Variants in PSIP1 observed in about 807,000 individuals in gnomAD.
The protein encoded by PSIP1 is PC4 and SFRS1-interacting protein.
A neutral mutation model predicts 74.7 loss-of-function variants in PSIP1; 19 were observed. The ratio of observed to expected loss-of-function variants is 0.25; its 90% confidence interval spans 0.18 to 0.37. The LOEUF (loss-of-function observed/expected upper bound fraction) is 0.37, where lower values mean the gene tolerates loss of function less well. Ranked by LOEUF, PSIP1 falls within the 10% of genes least tolerant of loss-of-function variation. The pLI, the probability that PSIP1 is intolerant of heterozygous loss-of-function variation, is 1.00. For missense variants in PSIP1, 601 were observed against 614.3 expected (o/e 0.98, Z 0.23); for synonymous variants, 222 against 195.3 (o/e 1.14, Z -1.14).
chr9:15,478,127 TAA>T lies in PSIP1; in HGVS notation c.629+348_629+349del, dbSNP rs570873100. Reference sequence around the variant, plus strand: ...GGGCGACAGAGTGAAACCCCATCTTTAAAAAAAAAAAAAAAAAAAAAAAAATT... The same window carrying T: ...GGGCGACAGAGTGAAACCCCATCTTTAAAAAAAAAAAAAAAAAAAAAAATT... On this transcript the variant is annotated intron_variant, in intron 8 of 15. Coordinates refer to ENST00000380733, the MANE Select transcript of PSIP1 (RefSeq NM_033222.5). Among the ~76,000 whole-genome samples the T allele has an allele frequency of 1.4e-3, 151 of 108,160 alleles. 1 individual carries two copies. The highest frequency in any genetic ancestry group is 5.0e-3 in the Middle Eastern group (1 of 202). The allele number at this position is 108,160 out of a possible 152,430, so 71.0% of individuals were successfully genotyped here.
At chr9:15,480,604 G>T (rs542967151) in intron 6 of PSIP1, among the ~76,000 whole-genome samples, 1 of 152,296 alleles carries the variant, frequency 6.6e-6, no homozygotes, top group Admixed American at 6.5e-5. Context: ...TTATGAATGA[G>T]TATTGGCAAT....
At chr9:15,470,220 A>G (rs2035767080) in intron 10 of PSIP1, among the ~76,000 whole-genome samples, 1 of 152,172 alleles carries the variant, frequency 6.6e-6, no homozygotes, top group African/African-American at 2.4e-5. Context: ...GTGACATCAC[A>G]AATAGTGTGT....
chr9:15,499,429 C>G (rs1053700190), intron 3 of PSIP1, among the ~76,000 whole-genome samples: 2 of 152,146 alleles, frequency 1.3e-5, no homozygotes, highest in African/African-American at 4.8e-5. Flanking sequence ...CGTTGAAGCC[C>G]TAAGTGTGTA....
intron 2 of PSIP1, among the ~76,000 whole-genome samples, chr9:15,508,552 T>C (rs1018410968): frequency 6.6e-6 from 1 of 152,220 alleles, no homozygotes; most frequent in Non-Finnish European, 1.5e-5. Context: ...TTTTTAAACA[T>C]TTCCTTTGGC....
chr9:15,466,478 A>G (rs1301018842), intron 15 of PSIP1, among the ~76,000 whole-genome samples: 2 of 152,262 alleles, frequency 1.3e-5, no homozygotes, highest in African/African-American at 2.4e-5. Context: ...CATTACTAAC[A>G]GTATCTCAGT....
chr9:15,504,309 G>C (rs1410503149), intron 3 of PSIP1, among the ~76,000 whole-genome samples: 1 of 151,926 alleles, frequency 6.6e-6, no homozygotes, highest in African/African-American at 2.4e-5. Context: ...CAACAGTTTA[G>C]TTATTTAGTT....
intron 8 of PSIP1, among the ~76,000 whole-genome samples, chr9:15,477,242 G>A (rs2036128244): frequency 6.6e-6 from 1 of 152,088 alleles, no homozygotes; most frequent in Non-Finnish European, 1.5e-5. Context: ...AATTCTATGT[G>A]TTTATGGTGT....
rs749410335 is a variant in PSIP1, at chr9:15,486,061, G to A, written c.401C>T (p.Thr134Ile). Residue 134 changes from threonine (T) to isoleucine (I), a missense_variant, in exon 6 of 16, where the codon ACT becomes ATT. Thr to Ile is a moderately conservative substitution (Grantham distance 89). This residue lies in a region of PSIP1 where 538 missense variants were observed against 507.6 expected (regional missense o/e 1.06). Coordinates refer to ENST00000380733, the MANE Select transcript of PSIP1 (RefSeq NM_033222.5). Reference sequence around the variant, plus strand: ...TGGAGTAGTTATGTCAACTGCTTTAGTCACATCCTAAAAAAGAAAAAAGAA... The same window carrying A: ...TGGAGTAGTTATGTCAACTGCTTTAATCACATCCTAAAAAAGAAAAAAGAA... ...HEEKASNEDV[T>I]KAVDITTPKA... The A allele has an allele frequency of 1.9e-6, 3 of 1,602,808 alleles. No homozygotes were observed. The highest frequency in any genetic ancestry group is 1.7e-5 in the Admixed American group (1 of 58,862).
chr9:15,501,527 G>C (rs1317777387), intron 3 of PSIP1, among the ~76,000 whole-genome samples: 1 of 152,064 alleles, frequency 6.6e-6, no homozygotes, highest in Non-Finnish European at 1.5e-5. Context: ...AAAGACCTGA[G>C]ATAAGATGAG....
chr9:15,494,183 G>A (rs1021561563), intron 3 of PSIP1, among the ~76,000 whole-genome samples: 2 of 152,082 alleles, frequency 1.3e-5, no homozygotes, highest in African/African-American at 2.4e-5. Context: ...AATTCTTTAA[G>A]AATTAGGGAA....
At chr9:15,466,916 G>T in intron 14 of PSIP1, 57 bp from the exon 15 acceptor site, 2 of 1,300,188 alleles carry the variant, frequency 1.5e-6, no homozygotes, top group Non-Finnish European at 1.1e-6. Context: ...AATAATTGAA[G>T]GTGTCCACTA....
At chr9:15,508,940 C>T (rs772741622) in intron 2 of PSIP1, among the ~76,000 whole-genome samples, 1 of 152,026 alleles carries the variant, frequency 6.6e-6, no homozygotes, top group Non-Finnish European at 1.5e-5. Context: ...AAGACTGCAC[C>T]GAAAAGGCAG....
chr9:15,469,041 A>C lies in PSIP1; in HGVS notation c.1122T>G (p.Ile374Met). 1 of 1,613,798 alleles carries C rather than the reference A, an allele frequency of 6.2e-7. No homozygotes were observed. The highest frequency in any genetic ancestry group is 8.5e-7 in the Non-Finnish European group (1 of 1,179,864). Residue 374 changes from isoleucine to methionine, a missense_variant, in exon 13 of 16, where the codon ATT (isoleucine) becomes ATG (methionine). By Grantham distance (10) the Ile-to-Met change is conservative. This residue lies in a region of PSIP1 where 538 missense variants were observed against 507.6 expected (regional missense o/e 1.06). Transcript: ENST00000380733. ...KIDNLDVNRCIEALDELASLQ... is the reference protein window; with the variant it reads ...KIDNLDVNRCMEALDELASLQ... ...GTGAAGCAAGTTCATCCAAGGCCTC[A>C]ATGCATCTGTTCACATCCTTCATGA...
intron 6 of PSIP1, among the ~76,000 whole-genome samples, chr9:15,480,295 GATC>G (rs2036278693): frequency 6.6e-6 from 1 of 152,156 alleles, no homozygotes; most frequent in South Asian, 2.1e-4. Context: ...AGTTGGTACT[GATC>G]ATAACTGCAA....
At chr9:15,486,773 T>C in intron 5 of PSIP1, 54 bp downstream of exon 5, 1 of 1,288,892 alleles carries the variant, frequency 7.8e-7, no homozygotes, top group Non-Finnish European at 1.1e-6. Context: ...CTCATTTCAT[T>C]ATTTCTTCCT....
chr9:15,479,656 C>A lies in PSIP1; in HGVS notation c.488G>T (p.Gly163Val). 1 of 1,612,678 alleles carries A rather than the reference C, an allele frequency of 6.2e-7. No individual in the cohort carries two copies. The highest frequency in any genetic ancestry group is 8.5e-7 in the Non-Finnish European group (1 of 1,179,426). Residue 163 changes from glycine (G) to valine (V), a missense_variant, in exon 7 of 16, where the codon GGA becomes GTA. Physicochemically the swap from Gly to Val is moderately radical, Grantham distance 109 (BLOSUM62 -3). Coordinates refer to ENST00000380733, the MANE Select transcript of PSIP1 (RefSeq NM_033222.5). ...AEKQVETEEA[G>V]VVTTATASVN... ...AGATGCTGTTGCTGTTGTCACTACTCCTGCCTCCTCAGTTTCTACTTGTTT... is the reference window on the plus strand; with the variant it reads ...AGATGCTGTTGCTGTTGTCACTACTACTGCCTCCTCAGTTTCTACTTGTTT...
intron 6 of PSIP1, 23 bp from the exon 7 acceptor site, chr9:15,479,710 A>T: frequency 6.3e-7 from 1 of 1,594,622 alleles, no homozygotes; most frequent in East Asian, 2.2e-5. Flanking sequence ...AATTTAATTA[A>T]CTTATTTAGC....
chr9:15,482,946 C>T (rs1313385823), intron 6 of PSIP1, among the ~76,000 whole-genome samples: 3 of 152,174 alleles, frequency 2.0e-5, no homozygotes, highest in Non-Finnish European at 4.4e-5. Context: ...TAAATCAGGA[C>T]ATTACTGACC....
chr9:15,471,616 A>G, intron 10 of PSIP1: 1 of 950,836 alleles, frequency 1.1e-6, no homozygotes, highest in Non-Finnish European at 1.3e-6. Flanking sequence ...GTCTAACATT[A>G]GAGGGAATAA....
Sources: gnomAD v4.1 joint callset for allele counts (sites outside exome capture counted in the v4.1 genomes callset) on GRCh38, gnomAD v4.1.1 for gene constraint, gnomAD v4.1.1 regional missense constraint, MANE v1.5 for transcripts, NCBI Gene and HGNC (gene_info 2026-07-23, HGNC 2026-07-21) for gene names.